The following DLGAP2 variants were observed in gnomAD, a reference collection of about 807,000 sequenced individuals.
DLGAP2 encodes the protein disks large-associated protein 2.
A neutral mutation model predicts 100.3 loss-of-function variants in DLGAP2; 26 were observed. That is an observed-to-expected ratio of 0.26 (90% CI 0.19 to 0.36). DLGAP2 has a LOEUF of 0.36. Ranked by LOEUF, DLGAP2 falls within the 10% of genes least tolerant of loss-of-function variation. The pLI, the probability that DLGAP2 is intolerant of heterozygous loss-of-function variation, is 1.00. For missense variants in DLGAP2, 1,858 were observed against 1,453.2 expected, an observed-to-expected ratio of 1.28 and a Z score of -4.53; for synonymous variants, 886 against 630.1, an observed-to-expected ratio of 1.41 and a Z score of -6.08.
At position 1,585,636 on chromosome 8, in the gene DLGAP2, C is replaced by T. The variant is rs569170082; in HGVS notation, c.1442+19742C>T. Among the ~76,000 whole-genome samples, 8 of 152,268 alleles carry T rather than the reference C, an allele frequency of 5.3e-5. No individual in the cohort carries two copies. The South Asian group carries it at 8.3e-4, about 16-fold the overall frequency. On this transcript the variant is annotated intron_variant, in intron 6 of 14. Coordinates refer to ENST00000637795, the MANE Select transcript of DLGAP2 (RefSeq NM_001346810.2). Reference sequence around the variant, plus strand: ...GGTGCAAACAAGAAATGCAGCTTAGCGAGCTCACCACAGGGAGACATCCCT... The same window carrying T: ...GGTGCAAACAAGAAATGCAGCTTAGTGAGCTCACCACAGGGAGACATCCCT...
intron 2 of DLGAP2, among the ~76,000 whole-genome samples, chr8:1,164,284 CTG>C (rs1796964880): frequency 1.8e-5 from 1 of 55,752 alleles, no homozygotes; most frequent in African/African-American, 5.8e-5. Flanking sequence ...TTTGTGGGGA[CTG>C]ATTGTGAGCC....
intron 2 of DLGAP2, among the ~76,000 whole-genome samples, chr8:1,022,832 G>A (rs1361300841): frequency 2.6e-5 from 4 of 152,054 alleles, no homozygotes; most frequent in Non-Finnish European, 5.9e-5. Flanking sequence ...GGATGGTTCC[G>A]TGCCGAGGTA....
chr8:1,545,820 C>G (rs1351074853), intron 4 of DLGAP2, among the ~76,000 whole-genome samples: 6 of 152,136 alleles, frequency 3.9e-5, no homozygotes, highest in African/African-American at 1.4e-4. Flanking sequence ...ATCTTTTATG[C>G]CATTCTTTTA....
intron 5 of DLGAP2, among the ~76,000 whole-genome samples, chr8:1,555,805 G>C (rs1383432063): frequency 6.6e-6 from 1 of 152,258 alleles, no homozygotes; most frequent in African/African-American, 2.4e-5. Flanking sequence ...TTCCAGCAAT[G>C]TTTGTTGAAA....
At chr8:1,282,721 C>T (rs1376808362) in intron 3 of DLGAP2, among the ~76,000 whole-genome samples, 3 of 134,588 alleles carry the variant, frequency 2.2e-5, no homozygotes, top group Non-Finnish European at 3.2e-5. Flanking sequence ...CTGAACCCAG[C>T]GCCCTGAACC....
intron 2 of DLGAP2, among the ~76,000 whole-genome samples, chr8:911,328 G>A (rs933780144): frequency 6.6e-6 from 1 of 151,288 alleles, no homozygotes; most frequent in Non-Finnish European, 1.5e-5. Context: ...GTATATGTTG[G>A]AAGGACGCAT....
intron 3 of DLGAP2, among the ~76,000 whole-genome samples, chr8:1,468,275 G>C (rs1563167094): frequency 6.6e-6 from 1 of 152,000 alleles, no homozygotes; most frequent in African/African-American, 2.4e-5. Context: ...CGTAGATCCG[G>C]GCTGGTCCTG....
chr8:831,613 C>A (rs1351868594), intron 1 of DLGAP2, among the ~76,000 whole-genome samples: 2 of 152,158 alleles, frequency 1.3e-5, no homozygotes, highest in African/African-American at 4.8e-5. Context: ...TCTAGTCTAT[C>A]ATTGATGGAC....
intron 2 of DLGAP2, among the ~76,000 whole-genome samples, chr8:912,396 A>G (rs1798503258): frequency 6.6e-6 from 1 of 152,138 alleles, no homozygotes; most frequent in African/African-American, 2.4e-5. Flanking sequence ...GAAACTCCTG[A>G]CTCTGAAATC....
At chr8:1,089,540 G>A (rs1804102117) in intron 2 of DLGAP2, among the ~76,000 whole-genome samples, 1 of 152,184 alleles carries the variant, frequency 6.6e-6, no homozygotes, top group African/African-American at 2.4e-5. Flanking sequence ...TGCAGAGACT[G>A]GCACCCTCCC....
intron 3 of DLGAP2, among the ~76,000 whole-genome samples, chr8:1,413,797 T>G (rs2129894374): frequency 1.3e-5 from 2 of 152,352 alleles, no homozygotes; most frequent in South Asian, 4.1e-4. Context: ...CAAAGCTCCA[T>G]CAGTGCACAC....
At chr8:907,383 C>T (rs1197155995) in intron 1 of DLGAP2, among the ~76,000 whole-genome samples, 2 of 152,198 alleles carry the variant, frequency 1.3e-5, no homozygotes, top group Non-Finnish European at 2.9e-5. Flanking sequence ...TTTCACCTCT[C>T]CTTCACTTAC....
chr8:787,630 C>T (rs1821908006), intron 1 of DLGAP2, among the ~76,000 whole-genome samples: 1 of 152,176 alleles, frequency 6.6e-6, no homozygotes, highest in Admixed American at 6.5e-5. Flanking sequence ...CAGGTTCCAC[C>T]AGCCGGTGGC....
At chr8:796,669 G>C (rs926246854) in intron 1 of DLGAP2, among the ~76,000 whole-genome samples, 1 of 152,156 alleles carries the variant, frequency 6.6e-6, no homozygotes, top group South Asian at 2.1e-4. Context: ...AGCCTGCTGT[G>C]CTGCTTCCCT....
intron 1 of DLGAP2, among the ~76,000 whole-genome samples, chr8:834,535 C>T (rs1456152249): frequency 1.3e-5 from 2 of 152,198 alleles, no homozygotes; most frequent in Non-Finnish European, 1.5e-5. Flanking sequence ...CTGTCTTCCA[C>T]CTACCTGCAC....
At chr8:1,273,452 C>T (rs1337841835) in intron 3 of DLGAP2, among the ~76,000 whole-genome samples, 1 of 152,210 alleles carries the variant, frequency 6.6e-6, no homozygotes, top group Non-Finnish European at 1.5e-5. Context: ...CTTTATGCCC[C>T]ACCTTAACTT....
intron 3 of DLGAP2, among the ~76,000 whole-genome samples, chr8:1,294,954 A>C (rs1265483332): frequency 1.3e-5 from 2 of 152,142 alleles, no homozygotes; most frequent in Non-Finnish European, 2.9e-5. Flanking sequence ...ATATGATATA[A>C]ATTAAGATTT....
chr8:1,141,458 T>C (rs979225692), intron 2 of DLGAP2, among the ~76,000 whole-genome samples: 1 of 152,154 alleles, frequency 6.6e-6, no homozygotes, highest in Non-Finnish European at 1.5e-5. Flanking sequence ...ACACAGCTGA[T>C]GGTTAGAAGA....
chr8:867,700 C>A lies in DLGAP2; in HGVS notation c.19-40212C>A, dbSNP rs998647087. On this transcript the variant is annotated intron_variant, in intron 1 of 14. Transcript: ENST00000637795. ...TGAGACATTGCTGTCACCTGGCCAC[C>A]TGTGCTTTCTGCTGTGGTAGTGGAT... 3.3e-5 allele frequency among the ~76,000 whole-genome samples: 5 copies of A among 152,322 alleles called. No homozygotes were observed. The Middle Eastern group carries it at 0.01, about 311-fold the overall frequency.
Sources: gnomAD v4.1 joint callset for allele counts (sites outside exome capture counted in the v4.1 genomes callset) on GRCh38, gnomAD v4.1.1 for gene constraint, MANE v1.5 for transcripts, NCBI Gene and HGNC (gene_info 2026-07-23, HGNC 2026-07-21) for gene names.